ERBB4: variants seen among roughly 807,000 people sequenced by gnomAD.
The protein encoded by ERBB4 is receptor tyrosine-protein kinase erbB-4.
A neutral mutation model predicts 158.0 loss-of-function variants in ERBB4; 42 were observed. The ratio of observed to expected loss-of-function variants is 0.27; its 90% CI spans 0.21 to 0.34. The LOEUF is 0.34. Among genes scored for constraint, ERBB4 ranks in the 10% least tolerant of loss-of-function variants. The pLI is 1.00. For missense variants in ERBB4, 1,333 were observed against 1,624.1 expected (o/e 0.82, Z 3.08); for synonymous variants, 583 against 558.7 (o/e 1.04, Z -0.61).
At chr2:212,052,668 T>C (rs1405428478) in intron 2 of ERBB4, among the ~76,000 whole-genome samples, 4 of 152,140 alleles carry the variant, frequency 2.6e-5, no homozygotes, top group African/African-American at 7.2e-5. Flanking sequence ...AACTCGAAAC[T>C]TGTATTTGTC....
chr2:211,669,093 C>T (rs2105928253), intron 14 of ERBB4, among the ~76,000 whole-genome samples: 1 of 151,348 alleles, frequency 6.6e-6, no homozygotes, highest in African/African-American at 2.4e-5. Flanking sequence ...CATGGTGACA[C>T]ATGTCTGTAA....
chr2:211,775,019 T>C (rs1368276360), intron 4 of ERBB4, among the ~76,000 whole-genome samples: 1 of 152,318 alleles, frequency 6.6e-6, no homozygotes, highest in South Asian at 2.1e-4. Context: ...TTGGGCCAAC[T>C]GTGGTGCTAA....
At chr2:212,274,628 C>G (rs940335570) in intron 1 of ERBB4, among the ~76,000 whole-genome samples, 8 of 151,700 alleles carry the variant, frequency 5.3e-5, no homozygotes, top group Non-Finnish European at 1.0e-4. Context: ...CAAATGGCAC[C>G]ATGTATGGTC....
intron 6 of ERBB4, among the ~76,000 whole-genome samples, chr2:211,723,834 T>C (rs1486391564): frequency 6.6e-6 from 1 of 152,228 alleles, no homozygotes; most frequent in Non-Finnish European, 1.5e-5. Context: ...CAAAACAATG[T>C]AACTTACACC....
At chr2:212,164,873 T>C (rs1226262179) in intron 1 of ERBB4, among the ~76,000 whole-genome samples, 1 of 152,066 alleles carries the variant, frequency 6.6e-6, no homozygotes, top group African/African-American at 2.4e-5. Context: ...TTGCTTGTGC[T>C]TGAGTGTGTA....
chr2:211,638,173 T>TA (rs1037157750), intron 16 of ERBB4, among the ~76,000 whole-genome samples: 2 of 151,974 alleles, frequency 1.3e-5, no homozygotes, highest in African/African-American at 2.4e-5. Flanking sequence ...CTTTTTTTTT[T>TA]AACTTATATG....
intron 3 of ERBB4, among the ~76,000 whole-genome samples, chr2:211,861,350 G>GTTTTTTTTTTTTTTTTTTTTTTTTTTT (rs67133944): frequency 2.2e-5 from 2 of 88,950 alleles, no homozygotes; most frequent in African/African-American, 8.3e-5. Context: ...TTTTTTTTTT[G>GTTTTTTTTTTTTTTTTTTTTTTTTTTT]TTTTTTTTTT....
At chr2:211,718,642 A>C (rs890769154) in intron 7 of ERBB4, among the ~76,000 whole-genome samples, 1 of 152,216 alleles carries the variant, frequency 6.6e-6, no homozygotes, top group Non-Finnish European at 1.5e-5. Context: ...GTTGTTTGGC[A>C]TCACCATCAT....
At chr2:212,437,387 T>C (rs1383132897) in intron 1 of ERBB4, among the ~76,000 whole-genome samples, 13 of 151,886 alleles carry the variant, frequency 8.6e-5, no homozygotes, top group African/African-American at 2.7e-4. Flanking sequence ...ATGGCTTATG[T>C]AGCAATTTTT....
intron 3 of ERBB4, among the ~76,000 whole-genome samples, chr2:211,935,299 C>G (rs140298142): frequency 6.6e-6 from 1 of 152,210 alleles, no homozygotes; most frequent in East Asian, 1.9e-4. Flanking sequence ...TAGAGCATGT[C>G]TATGAAGGTG....
rs1574716076 is a variant in ERBB4 at position 212,338,445 on chromosome 2, A to G, written c.82+200004T>C. Among the ~76,000 whole-genome samples the G allele has an allele frequency of 3.9e-5, 6 of 152,252 alleles. No individual in the cohort carries two copies. In the South Asian group the frequency reaches 1.2e-3, roughly 32 times the overall value. On this transcript the variant is annotated intron_variant, in intron 1 of 27. Transcript: ENST00000342788. The stretch of plus-strand genomic sequence containing the variant: ...GGCTGTTTTAATTATCCATATTTGA[A>G]AGATCCATATATTTAATGTCTCATT...
chr2:212,137,081 G>C (rs2080293876), intron 1 of ERBB4, among the ~76,000 whole-genome samples: 1 of 152,078 alleles, frequency 6.6e-6, no homozygotes, highest in South Asian at 2.1e-4. Flanking sequence ...ATAATCTCCA[G>C]TGGGTTGGTC....
chr2:212,022,260 T>G (rs554225456), intron 2 of ERBB4, among the ~76,000 whole-genome samples: 1 of 152,288 alleles, frequency 6.6e-6, no homozygotes, highest in African/African-American at 2.4e-5. Context: ...CTATTCACAA[T>G]AGCAAAGTAA....
At chr2:211,529,193 C>A (rs1240603022) in intron 20 of ERBB4, among the ~76,000 whole-genome samples, 3 of 150,534 alleles carry the variant, frequency 2.0e-5, no homozygotes, top group Non-Finnish European at 4.4e-5. Context: ...GTACTACTGA[C>A]ATTCAAGAGA....
intron 19 of ERBB4, among the ~76,000 whole-genome samples, chr2:211,612,908 G>A (rs911633878): frequency 2.6e-5 from 4 of 152,026 alleles, no homozygotes; most frequent in African/African-American, 9.7e-5. Context: ...TTGTGGGGTT[G>A]TGACATTCAA....
rs972307005 is a variant in ERBB4, at chr2:212,221,198, C to T, written c.83-96295G>A. On this transcript the variant is annotated intron_variant, in intron 1 of 27. Transcript: ENST00000342788. ...TGCTTGGAGTTTATAGTGTTAGGGG[C>T]CACAGATCTGTAATGCAATTTAGAT... 2.3e-4 allele frequency among the ~76,000 whole-genome samples: 35 copies of T among 151,388 alleles called. 1 individual carries two copies. Among genetic ancestry groups the T allele is most frequent in the African/African-American group, 8.0e-4 (33 of 41,356 alleles).
intron 6 of ERBB4, among the ~76,000 whole-genome samples, chr2:211,724,482 C>T (rs1275600452): frequency 6.6e-6 from 1 of 151,064 alleles, no homozygotes; most frequent in African/African-American, 2.4e-5. Context: ...TAAAATTAAG[C>T]TGGTGTTCTC....
Position 211,382,953 on chromosome 2 carries a change from G to A in ERBB4, c.*662C>T, listed in dbSNP as rs982971906. On this transcript the variant is annotated 3_prime_UTR_variant, in exon 28 of 28. Transcript: ENST00000342788. ...AGCAAATATAAAGGAATCGGTCAGAGCAAAACAAAATGAAAAAAACCAAAA... is the reference window on the plus strand; with the variant it reads ...AGCAAATATAAAGGAATCGGTCAGAACAAAACAAAATGAAAAAAACCAAAA... 9 of 232,340 alleles carry A rather than the reference G, an allele frequency of 3.9e-5. No individual in the cohort carries two copies. The highest frequency in any genetic ancestry group is 7.6e-5 in the Non-Finnish European group (9 of 117,706). The allele number at this position is 232,340 out of a possible 1,614,324, so 14.4% of individuals were successfully genotyped here.
At chr2:211,772,658 T>G (rs2075721691) in intron 4 of ERBB4, among the ~76,000 whole-genome samples, 1 of 149,876 alleles carries the variant, frequency 6.7e-6, no homozygotes, top group Non-Finnish European at 1.5e-5. Context: ...TTTTTCTTCT[T>G]TTTTTGAGAT....
Sources: gnomAD v4.1 joint callset for allele counts (sites outside exome capture counted in the v4.1 genomes callset) on GRCh38, gnomAD v4.1.1 for gene constraint, MANE v1.5 for transcripts, NCBI Gene and HGNC (gene_info 2026-07-23, HGNC 2026-07-21) for gene names.